ARID3C: variants seen among roughly 807,000 people sequenced by gnomAD.
ARID3C encodes AT-rich interactive domain-containing protein 3C.
In ARID3C, 42 loss-of-function variants were observed where a neutral mutation model predicts 37.9. That is an observed-to-expected ratio of 1.11 (90% CI 0.87 to 1.43). The LOEUF (loss-of-function observed/expected upper bound fraction) is 1.43, where lower values mean the gene tolerates loss of function less well. ARID3C is among the 40% of genes most tolerant of loss of function. The pLI, the probability that ARID3C is intolerant of heterozygous loss-of-function variation, is 0.00. For missense variants in ARID3C, 581 were observed against 548.8 expected (o/e 1.06, Z -0.59); for synonymous variants, 213 against 228.0 (o/e 0.93, Z 0.59).
chr9:34,627,444 A>G (rs1377777004), intron 1 of ARID3C, among the ~76,000 whole-genome samples: 1 of 152,176 alleles, frequency 6.6e-6, no homozygotes, highest in African/African-American at 2.4e-5. Context: ...AGAGTTCGAG[A>G]CCGGCCTGGG....
intron 1 of ARID3C, among the ~76,000 whole-genome samples, chr9:34,626,199 CAT>C (rs1820652336): frequency 6.6e-6 from 1 of 152,194 alleles, no homozygotes; most frequent in Non-Finnish European, 1.5e-5. Flanking sequence ...AGGAGACAAA[CAT>C]ATATCTGATG....
chr9:34,622,203 C>T, intron 5 of ARID3C, 94 bp from the exon 7 acceptor site: 2 of 1,575,302 alleles, frequency 1.3e-6, no homozygotes, highest in South Asian at 1.1e-5. Context: ...AGACAGCCCC[C>T]ATTCCACTTC....
chr9:34,625,973 G>A (rs1219849284), intron 1 of ARID3C, among the ~76,000 whole-genome samples, 159 bp from the exon 3 acceptor site: 1 of 152,226 alleles, frequency 6.6e-6, no homozygotes, highest in African/African-American at 2.4e-5. Flanking sequence ...CTCCGCCTAG[G>A]GGCAGGCAGG....
intron 4 of ARID3C, among the ~76,000 whole-genome samples, chr9:34,623,183 A>G (rs1820600651): frequency 6.7e-6 from 1 of 149,666 alleles, no homozygotes; most frequent in Non-Finnish European, 1.5e-5. Flanking sequence ...AAAAAAAAGG[A>G]CCTTTTCCTG....
Position 34,627,691 on chromosome 9 carries a change from T to A in ARID3C, c.318+6A>T. The A allele has an allele frequency of 6.2e-7, 1 of 1,606,164 alleles. No homozygotes were observed. The highest frequency in any genetic ancestry group is 1.1e-5 in the South Asian group (1 of 90,426). On this transcript the variant is annotated splice_donor_region_variant and intron_variant, in intron 1 of 6. Transcript: ENST00000378909. The stretch of plus-strand genomic sequence containing the variant: ...GAGGGCCGGACATTGAGGGCATAGG[T>A]CCTACCTGCTTGAATTGTTCCTCGT...
In ARID3C at chr9:34,625,326, T is replaced by G. The variant is rs1402773114; in HGVS notation, c.391+416A>C. ...CTCACATAGTCCCCAGCCCACCCCT[T>G]GGGAAGTCCTTCCTTCAGTCTATTC... On this transcript the variant is annotated intron_variant, in intron 2 of 6. Transcript: ENST00000378909. 2.0e-5 allele frequency among the ~76,000 whole-genome samples: 3 copies of G among 152,272 alleles called. No individual in the cohort carries two copies. The East Asian group carries it at 5.8e-4, about 29-fold the overall frequency.
chr9:34,627,983 C>T (rs752067497), exon 1 of ARID3C: 21 of 1,518,224 alleles, frequency 1.4e-5, no homozygotes, highest in South Asian at 6.2e-5. Context: ...CTGGGCCAGC[C>T]GAGCTGCCTG....
At position 34,625,772 on chromosome 9, in the gene ARID3C, C is replaced by T. The variant is rs747869989; in HGVS notation, c.361G>A (p.Asp121Asn). The T allele has an allele frequency of 3.5e-5, 56 of 1,613,914 alleles. No individual in the cohort carries two copies. Among genetic ancestry groups the T allele is most frequent in the Non-Finnish European group, 4.1e-5 (48 of 1,179,924 alleles). ...TTTTGCATGAAGCTAAACAGGTCAT[C>T]CAGAAATTCCTTCCTCTTGGGGTCT... Residue 121 changes from aspartate to asparagine, a missense_variant, in exon 2 of 7, where the codon GAT becomes AAT. Physicochemically the swap from Asp to Asn is conservative, Grantham distance 23 (BLOSUM62 1). Coordinates refer to ENST00000378909, the Ensembl canonical transcript of ARID3C.
chr9:34,629,753 CTTTT>C (rs2132316935), upstream of ARID3C, among the ~76,000 whole-genome samples: 2 of 152,158 alleles, frequency 1.3e-5, 1 homozygote, highest in South Asian at 4.1e-4. Flanking sequence ...CTTTTTCTTT[CTTTT>C]CTTTTTTTTC....
chr9:34,624,133 C>G, intron 2 of ARID3C, 86 bp from the exon 4 acceptor site: 1 of 1,397,634 alleles, frequency 7.2e-7, no homozygotes, highest in South Asian at 1.4e-5. Flanking sequence ...ACGGGAGCCC[C>G]GGGGAGGGCG....
At chr9:34,622,392 A>C (rs3808869) in exon 5 of ARID3C, 858,985 of 1,612,312 alleles carry the variant, frequency 0.53, 232,475 homozygotes, top group African/African-American at 0.73. Context: ...GGGGGCATGC[A>C]AGGTCGAGGT....
exon 5 of ARID3C, chr9:34,622,384 G>C (rs1334705210): frequency 6.2e-7 from 1 of 1,613,088 alleles, no homozygotes; most frequent in Admixed American, 1.7e-5. Flanking sequence ...GGAAACTGGG[G>C]GGCATGCAAG....
intron 2 of ARID3C, 133 bp from the exon 4 acceptor site, chr9:34,624,180 C>T: frequency 1.8e-6 from 2 of 1,100,098 alleles, no homozygotes; most frequent in Non-Finnish European, 2.5e-6. Flanking sequence ...CACAGAACCC[C>T]AGGGTCTCTG....
chr9:34,625,893 A>C (rs1384787152), intron 1 of ARID3C, 79 bp from the exon 3 acceptor site: 3 of 1,501,434 alleles, frequency 2.0e-6, no homozygotes, highest in African/African-American at 1.4e-5. Context: ...TTGTACCCTG[A>C]ACAAGGGTCC....
intron 2 of ARID3C, among the ~76,000 whole-genome samples, chr9:34,624,806 C>T (rs1025469135): frequency 7.2e-5 from 11 of 152,204 alleles, no homozygotes; most frequent in Non-Finnish European, 1.3e-4. Context: ...GGGACCCCCT[C>T]CCCCTGCAGC....
downstream of ARID3C, chr9:34,621,237 T>C (rs1462472682): frequency 6.7e-6 from 3 of 446,658 alleles, no homozygotes; most frequent in East Asian, 1.1e-4. Flanking sequence ...AAGAACCCTT[T>C]GGTAGGTGCT....
exon 3 of ARID3C, chr9:34,623,884 G>A (rs1160106134): frequency 1.9e-6 from 3 of 1,599,286 alleles, no homozygotes; most frequent in Non-Finnish European, 2.5e-6. Flanking sequence ...GAGTGAAGGC[G>A]GCCGAGGTGA....
upstream of ARID3C, among the ~76,000 whole-genome samples, chr9:34,629,719 A>G (rs545714242): frequency 3.0e-4 from 45 of 152,234 alleles, no homozygotes; most frequent in African/African-American, 1.0e-3. Context: ...TTGACATTCT[A>G]TTATGGAAAT....
At chr9:34,631,515 T>C (rs1436780827), upstream of ARID3C, among the ~76,000 whole-genome samples, 1 of 152,176 alleles carries the variant, frequency 6.6e-6, no homozygotes, top group Admixed American at 6.6e-5. Context: ...ATATTTATTA[T>C]CTATTTTTTT....
Sources: gnomAD v4.1 joint callset for allele counts (sites outside exome capture counted in the v4.1 genomes callset) on GRCh38, gnomAD v4.1.1 for gene constraint, MANE v1.5 for transcripts, NCBI Gene and HGNC (gene_info 2026-07-23, HGNC 2026-07-21) for gene names.